The following ABCA5 variants were observed in gnomAD, a reference collection of about 807,000 sequenced individuals.
ABCA5 encodes ATP binding cassette subfamily A member 5, also known as cholesterol transporter ABCA5.
A neutral mutation model predicts 206.0 loss-of-function variants in ABCA5; 163 were observed. The ratio of observed to expected loss-of-function variants is 0.79; its 90% CI spans 0.70 to 0.90. ABCA5 has a LOEUF of 0.90. ABCA5 is among the 40% of genes least tolerant of loss of function. The pLI is 0.00. For missense variants in ABCA5, 1,859 were observed against 1,912.9 expected (o/e 0.97, Z 0.53); for synonymous variants, 609 against 613.8 (o/e 0.99, Z 0.11).
intron 1 of ABCA5, among the ~76,000 whole-genome samples, chr17:69,321,581 T>C (rs2075866076): frequency 6.6e-6 from 1 of 152,210 alleles, no homozygotes; most frequent in Admixed American, 6.5e-5. Context: ...TTAAGTTTAA[T>C]TGCCTCTAAA....
rs150696344 is a variant in ABCA5, at chr17:69,251,752, C to T, written c.4530G>A (p.Gln1510=). 2.5e-6 allele frequency: 4 copies of T among 1,612,516 alleles called. No individual in the cohort carries two copies. The Admixed American group carries it at 6.7e-5, about 27-fold the overall frequency. Residue 1510 remains glutamine (Q), a synonymous_variant, in exon 35 of 39, where the codon CAG becomes CAA. Coordinates refer to ENST00000392676, the MANE Select transcript of ABCA5 (RefSeq NM_172232.4). The stretch of plus-strand genomic sequence containing the variant: ...CACGCTATTTAGACATCAACCTTAA[C>T]TGCCCAGACACCATGATAGCTACTC... ...CDRVAIMVSG[Q]LRCIGTVQHL...
intron 19 of ABCA5, among the ~76,000 whole-genome samples, chr17:69,275,419 T>C (rs1288139833): frequency 6.6e-6 from 1 of 152,160 alleles, no homozygotes; most frequent in Non-Finnish European, 1.5e-5. Flanking sequence ...ACTTCAGCAA[T>C]TTATAAATTT....
intron 18 of ABCA5, among the ~76,000 whole-genome samples, chr17:69,280,526 A>T (rs920328907): frequency 4.6e-5 from 7 of 151,398 alleles, no homozygotes; most frequent in African/African-American, 1.5e-4. Context: ...CAGCCATCCC[A>T]TTACTGGGTA....
intron 1 of ABCA5, among the ~76,000 whole-genome samples, chr17:69,324,597 T>G (rs1337533629): frequency 6.6e-6 from 1 of 152,202 alleles, no homozygotes; most frequent in Non-Finnish European, 1.5e-5. Context: ...AGTCCATCAC[T>G]TTCCCAATCC....
At chr17:69,278,066 C>T (rs1418609064) in intron 18 of ABCA5, among the ~76,000 whole-genome samples, 1 of 151,856 alleles carries the variant, frequency 6.6e-6, no homozygotes, top group Admixed American at 6.6e-5. Context: ...ACAGGTTTCA[C>T]CAAAACACAT....
chr17:69,324,678 A>C (rs1468416199), intron 1 of ABCA5, among the ~76,000 whole-genome samples: 1 of 152,226 alleles, frequency 6.6e-6, no homozygotes, highest in Non-Finnish European at 1.5e-5. Flanking sequence ...TTACTGAGAA[A>C]ACTGAAGCAA....
chr17:69,291,114 C>A (rs1285806990), intron 12 of ABCA5, 102 bp downstream of exon 12: 4 of 611,480 alleles, frequency 6.5e-6, no homozygotes, highest in Non-Finnish European at 7.9e-6. Context: ...AAGAAAACAC[C>A]TTTACAGATA....
rs766219972 is a variant in ABCA5, at chr17:69,261,599, C to T, written c.3429+36G>A. ...GAAAGAATTCATGTTAATTAAACTG[C>T]TATGGAAAGTTGAAATAATGTAAAA... On this transcript the variant is annotated intron_variant, in intron 25 of 38. Coordinates refer to ENST00000392676, the MANE Select transcript of ABCA5 (RefSeq NM_172232.4). The T allele has an allele frequency of 9.6e-6, 9 of 937,352 alleles. No individual in the cohort carries two copies. The African/African-American group carries it at 1.0e-4, about 11-fold the overall frequency. 58.1% of individuals were successfully genotyped at this position (937,352 alleles called of 1,614,324 possible).
intron 15 of ABCA5, 27 bp from the exon 16 acceptor site, chr17:69,286,338 T>C: frequency 1.3e-6 from 2 of 1,561,188 alleles, no homozygotes; most frequent in Non-Finnish European, 1.7e-6. Context: ...ACATTTCAAT[T>C]TCTAAAGTAT....
intron 32 of ABCA5, among the ~76,000 whole-genome samples, chr17:69,254,088 T>C (rs1032203085): frequency 6.6e-6 from 1 of 152,214 alleles, no homozygotes; most frequent in African/African-American, 2.4e-5. Flanking sequence ...ATGATATCTA[T>C]AGGTATATTT....
intron 34 of ABCA5, among the ~76,000 whole-genome samples, 189 bp from the exon 35 acceptor site, chr17:69,252,055 A>G (rs1005560385): frequency 1.4e-5 from 2 of 141,242 alleles, no homozygotes; most frequent in African/African-American, 2.6e-5. Flanking sequence ...TCTGTCCCCC[A>G]GGCTGGAGAG....
chr17:69,251,506 A>G (rs1156382607), intron 35 of ABCA5: 1 of 460,336 alleles, frequency 2.2e-6, no homozygotes, highest in East Asian at 3.8e-5. Flanking sequence ...TGAAATAACA[A>G]GTACTATGCC....
chr17:69,278,337 C>A (rs2075355827), intron 18 of ABCA5, among the ~76,000 whole-genome samples: 1 of 152,172 alleles, frequency 6.6e-6, no homozygotes, highest in South Asian at 2.1e-4. Context: ...TTTATGTGAA[C>A]TTTTCCTCTC....
At position 69,271,144 on chromosome 17, in the gene ABCA5, T is replaced by C. The variant is rs777719280; in HGVS notation, c.2892+18A>G. The C allele has an allele frequency of 6.2e-7, 1 of 1,600,010 alleles. No individual in the cohort carries two copies. Among genetic ancestry groups the C allele is most frequent in the African/African-American group, 1.3e-5 (1 of 74,146 alleles). ...GCATAACTCCCAAATGGATATTCAT[T>C]CACTGCATTCATCTTACCTTTTCTG... On this transcript the variant is annotated intron_variant, in intron 21 of 38. Transcript: ENST00000392676.
chr17:69,261,015 AGCC>A, intron 26 of ABCA5, 107 bp downstream of exon 26: 1 of 821,378 alleles, frequency 1.2e-6, no homozygotes, highest in South Asian at 2.0e-5. Flanking sequence ...ATCAAGTAGT[AGCC>A]ATTAGCCCAA....
chr17:69,309,941 G>A (rs1215222546), intron 3 of ABCA5, among the ~76,000 whole-genome samples: 3 of 152,070 alleles, frequency 2.0e-5, no homozygotes, highest in African/African-American at 7.2e-5. Flanking sequence ...TTTGATTACA[G>A]AAATGTGTCA....
At chr17:69,323,666 G>GA in intron 1 of ABCA5, among the ~76,000 whole-genome samples, 3 of 152,016 alleles carry the variant, frequency 2.0e-5, no homozygotes, top group Non-Finnish European at 2.9e-5. Context: ...GATCCTTGAT[G>GA]AAAAAAACAA....
chr17:69,311,576 G>A (rs147399713), intron 3 of ABCA5, among the ~76,000 whole-genome samples: 5 of 152,070 alleles, frequency 3.3e-5, no homozygotes, highest in East Asian at 1.9e-4. Context: ...TGCAACCTCC[G>A]CCTCCCGGGT....
Position 69,264,838 on chromosome 17 carries a change from A to C in ABCA5, c.3212T>G (p.Val1071Gly). The C allele has an allele frequency of 6.2e-7, 1 of 1,601,876 alleles. No homozygotes were observed. The highest frequency in any genetic ancestry group is 8.5e-7 in the Non-Finnish European group (1 of 1,174,340). ...GATAAAAAATAAGGGGATATCAACA[A>C]CAGCTTGTCCAATCCAATATGCAGA... ...LPSAYWIGQA[V>G]VDIPLFFIIL... The change falls in exon 24 of 39, where the codon GTT becomes GGT. Residue 1071 changes from valine to glycine, a missense_variant. By Grantham distance (109) the Val-to-Gly change is moderately radical. Transcript: ENST00000392676.
Sources: gnomAD v4.1 joint callset for allele counts (sites outside exome capture counted in the v4.1 genomes callset) on GRCh38, gnomAD v4.1.1 for gene constraint, MANE v1.5 for transcripts, NCBI Gene and HGNC (gene_info 2026-07-23, HGNC 2026-07-21) for gene names.